Variants in HMGCS1 observed in about 807,000 individuals in gnomAD.
HMGCS1 encodes hydroxymethylglutaryl-CoA synthase, cytoplasmic.
HMGCS1 carries 9 observed loss-of-function variants against 52.3 expected under a neutral mutation model. The ratio of observed to expected loss-of-function variants is 0.17; its 90% CI spans 0.10 to 0.30. The LOEUF (loss-of-function observed/expected upper bound fraction) is 0.30. HMGCS1 is among the 10% of genes least tolerant of loss of function. The pLI is 1.00. For synonymous variants in HMGCS1, 176 were observed against 214.4 expected (o/e 0.82, Z 1.57); for missense variants, 320 against 620.9 (o/e 0.52, Z 5.15).
At chr5:43,296,271 T>C (rs545325442) in intron 5 of HMGCS1, among the ~76,000 whole-genome samples, 1 of 152,268 alleles carries the variant, frequency 6.6e-6, no homozygotes, top group East Asian at 1.9e-4. Flanking sequence ...AGTAATGTCA[T>C]GACATTTTTG....
intron 4 of HMGCS1, 53 bp from the exon 5 acceptor site, chr5:43,297,219 TATGTTA>T: frequency 3.5e-6 from 5 of 1,438,450 alleles, no homozygotes; most frequent in Non-Finnish European, 2.9e-6. Context: ...TTGATGTCTG[TATGTTA>T]ATAAGTATAC....
At chr5:43,306,174 T>A (rs543504128) in intron 2 of HMGCS1, among the ~76,000 whole-genome samples, 3 of 152,220 alleles carry the variant, frequency 2.0e-5, no homozygotes, top group African/African-American at 7.2e-5. Context: ...CATATGCTAT[T>A]TCCAGAATCA....
At chr5:43,304,089 G>A (rs1257681534) in intron 2 of HMGCS1, among the ~76,000 whole-genome samples, 1 of 152,220 alleles carries the variant, frequency 6.6e-6, no homozygotes, top group Non-Finnish European at 1.5e-5. Flanking sequence ...TATGCCACTA[G>A]GCATGGATTC....
In HMGCS1 at chr5:43,298,969, G is replaced by A. The variant is rs1368485287; in HGVS notation, c.-4C>T. The A allele has an allele frequency of 6.3e-7, 1 of 1,599,130 alleles. No individual in the cohort carries two copies. The highest frequency in any genetic ancestry group is 1.3e-5 in the African/African-American group (1 of 74,074). ...TCAAAGGAAGTGATCCAGGCATGGT[G>A]AAAGAGCTTTAGAAAGGAGAAACAG... On this transcript the variant is annotated 5_prime_UTR_variant, in exon 3 of 11. Coordinates refer to ENST00000325110, the MANE Select transcript of HMGCS1 (RefSeq NM_001098272.3). This position sits in a 1 kb window ranked among gnomAD's most constrained non-coding sequence, Gnocchi z 5.6.
At chr5:43,308,988 T>C (rs1201597648) in intron 1 of HMGCS1, among the ~76,000 whole-genome samples, 2 of 152,200 alleles carry the variant, frequency 1.3e-5, no homozygotes, top group African/African-American at 4.8e-5. Context: ...TAATTATACA[T>C]ACTTTGAGAA....
intron 2 of HMGCS1, among the ~76,000 whole-genome samples, chr5:43,301,214 C>T (rs780184184): frequency 1.3e-5 from 2 of 152,050 alleles, no homozygotes; most frequent in Non-Finnish European, 2.9e-5. Flanking sequence ...AGGCAAGCTA[C>T]AAGGAATTAC....
chr5:43,302,554 A>T (rs1469276806), intron 2 of HMGCS1, among the ~76,000 whole-genome samples: 1 of 152,168 alleles, frequency 6.6e-6, no homozygotes, highest in African/African-American at 2.4e-5. Context: ...TCCTCTTACA[A>T]TTGCTATCAG....
chr5:43,292,424 G>C, intron 10 of HMGCS1, 50 bp downstream of exon 10: 1 of 1,491,450 alleles, frequency 6.7e-7, no homozygotes, highest in Non-Finnish European at 9.3e-7. Context: ...CTAAATCCCA[G>C]TTAGGTCTCC....
intron 1 of HMGCS1, among the ~76,000 whole-genome samples, chr5:43,312,372 G>A (rs1357310182): frequency 6.6e-6 from 1 of 152,204 alleles, no homozygotes. Context: ...AGTGAAAGCA[G>A]CTACTGATGC....
chr5:43,291,085 A>ACC lies in HMGCS1; in HGVS notation c.*44_*45dup. 1 of 514,254 alleles carries ACC rather than the reference A, an allele frequency of 1.9e-6. No homozygotes were observed. Among genetic ancestry groups the ACC allele is most frequent in the South Asian group, 1.5e-5 (1 of 64,846 alleles). 31.9% of individuals were successfully genotyped at this position (514,254 alleles called of 1,614,324 possible). A position where few individuals can be genotyped will look rare whatever the true frequency, so the allele number is the denominator to read the frequency against. On this transcript the variant is annotated 3_prime_UTR_variant, in exon 11 of 11. Transcript: ENST00000325110. ...TTCCTCCAACTGTTCCCATACCCCC[A>ACC]CCCCATGCCCACCCCACCCTGAAGT...
rs1186398305 is a variant in HMGCS1, at chr5:43,289,789, T to C, written c.*1342A>G. 1 of 152,630 alleles carries C rather than the reference T, an allele frequency of 6.6e-6. No individual in the cohort carries two copies. Among genetic ancestry groups the C allele is most frequent in the East Asian group, 1.9e-4 (1 of 5,206 alleles). The allele number at this position is 152,630 out of a possible 1,614,324, so 9.5% of individuals were successfully genotyped here. Reference sequence around the variant, plus strand: ...TCTGAAACATTATATTTCATATTTGTGTATATTTATTTTAGATAACTGAAA... The same window carrying C: ...TCTGAAACATTATATTTCATATTTGCGTATATTTATTTTAGATAACTGAAA... On this transcript the variant is annotated 3_prime_UTR_variant, in exon 11 of 11. Coordinates refer to ENST00000325110, the MANE Select transcript of HMGCS1 (RefSeq NM_001098272.3).
At chr5:43,293,528 T>C (rs1002087446) in intron 8 of HMGCS1, among the ~76,000 whole-genome samples, 3 of 151,840 alleles carry the variant, frequency 2.0e-5, no homozygotes, top group Non-Finnish European at 4.4e-5. Context: ...TTAGATAACT[T>C]AGTCCTATCC....
chr5:43,301,742 T>C (rs1002227745), intron 2 of HMGCS1, among the ~76,000 whole-genome samples: 2 of 152,150 alleles, frequency 1.3e-5, no homozygotes, highest in Non-Finnish European at 2.9e-5. Context: ...ACATGGGTCA[T>C]GAACTAGAGC....
intron 2 of HMGCS1, among the ~76,000 whole-genome samples, chr5:43,303,340 G>A (rs1285421606): frequency 7.2e-5 from 11 of 152,148 alleles, no homozygotes; most frequent in Admixed American, 6.5e-4. Context: ...CCTCATGATG[G>A]GATCAGTGCT....
chr5:43,307,728 G>A (rs1754650076), intron 2 of HMGCS1, 38 bp downstream of exon 2: 1 of 152,198 alleles, frequency 6.6e-6, no homozygotes, highest in African/African-American at 2.4e-5. Context: ...CCATTAGAGA[G>A]GAATACTTTC....
intron 1 of HMGCS1, among the ~76,000 whole-genome samples, chr5:43,308,259 C>T (rs1754676628): frequency 6.6e-6 from 1 of 152,170 alleles, no homozygotes; most frequent in South Asian, 2.1e-4. Context: ...CAGATTGTGG[C>T]TTTGGCAGCA....
rs13659 is a variant in HMGCS1, at chr5:43,290,598, T to A, written c.*533A>T. On this transcript the variant is annotated 3_prime_UTR_variant, in exon 11 of 11. Transcript: ENST00000325110. ...ATTTTAGAAAAAGGGCATGTTTGTT[T>A]TGCTATTTTCAAAGGGTTTGTGCGT... 0.45 allele frequency: 68,616 copies of A among 152,058 alleles called. 16,238 individuals are homozygous for A. The highest frequency in any genetic ancestry group is 0.61 in the Middle Eastern group (180 of 294). 9.4% of individuals were successfully genotyped at this position (152,058 alleles called of 1,614,324 possible). A position where few individuals can be genotyped will look rare whatever the true frequency, so the allele number is the denominator to read the frequency against.
chr5:43,303,051 T>G (rs1010911833), intron 2 of HMGCS1, among the ~76,000 whole-genome samples: 3 of 152,244 alleles, frequency 2.0e-5, no homozygotes, highest in Admixed American at 6.5e-5. Context: ...AAAGAGCTCT[T>G]TAAAAAATTC....
At chr5:43,291,932 C>G (rs1317692570) in intron 10 of HMGCS1, among the ~76,000 whole-genome samples, 1 of 151,210 alleles carries the variant, frequency 6.6e-6, no homozygotes, top group South Asian at 2.1e-4. Context: ...CTCTCTATAT[C>G]AGTCTTCCTT....
Sources: allele counts gnomAD v4.1 joint callset (sites outside exome capture counted in the v4.1 genomes callset), GRCh38; gene constraint gnomAD v4.1.1; non-coding constraint Gnocchi (gnomAD v3.1); transcripts MANE v1.5; gene names NCBI Gene and HGNC (gene_info 2026-07-23, HGNC 2026-07-21).